Variants in MAN2A1 observed in about 807,000 individuals in gnomAD.
MAN2A1 encodes the protein mannosidase alpha class 2A member 1.
In MAN2A1, 76 loss-of-function variants were observed where a neutral mutation model predicts 142.6. The ratio of observed to expected loss-of-function variants is 0.53; its 90% CI spans 0.44 to 0.65. MAN2A1 has a LOEUF of 0.65. MAN2A1 is among the 30% of genes least tolerant of loss of function. MAN2A1 has a pLI of 0.00. For synonymous variants in MAN2A1, 559 were observed against 473.2 expected (o/e 1.18, Z -2.35); for missense variants, 1,311 against 1,365.1 (o/e 0.96, Z 0.62).
At chr5:109,781,333 A>G (rs981271683) in intron 8 of MAN2A1, 63 bp from the exon 9 acceptor site, 4 of 863,318 alleles carry the variant, frequency 4.6e-6, no homozygotes, top group African/African-American at 1.7e-5. Flanking sequence ...TTTCCCTAAC[A>G]GTGTAAGAAG....
chr5:109,827,492 A>T (rs1322361509), intron 16 of MAN2A1, among the ~76,000 whole-genome samples: 2 of 152,188 alleles, frequency 1.3e-5, no homozygotes, highest in Non-Finnish European at 2.9e-5. Flanking sequence ...ACATTTCCAA[A>T]ATTATATAAA....
chr5:109,755,799 A>G (rs1457503634), intron 5 of MAN2A1, among the ~76,000 whole-genome samples: 1 of 152,002 alleles, frequency 6.6e-6, no homozygotes, highest in Non-Finnish European at 1.5e-5. Context: ...GGAAAGAAAG[A>G]TATTCATTAT....
chr5:109,723,721 T>C (rs1389306349), intron 3 of MAN2A1, among the ~76,000 whole-genome samples: 1 of 152,196 alleles, frequency 6.6e-6, no homozygotes, highest in Non-Finnish European at 1.5e-5. Context: ...CTTCTATTTT[T>C]ATATTTATTT....
At chr5:109,690,834 T>C (rs892954685) in intron 1 of MAN2A1, among the ~76,000 whole-genome samples, 2 of 152,014 alleles carry the variant, frequency 1.3e-5, no homozygotes, top group African/African-American at 4.8e-5. Context: ...CCTGTTGGGG[T>C]GGCTTCGGGC....
At chr5:109,819,581 GTT>G in intron 13 of MAN2A1, 86 bp from the exon 14 acceptor site, 1 of 726,510 alleles carries the variant, frequency 1.4e-6, no homozygotes, top group African/African-American at 1.8e-5. Context: ...AAATATGATA[GTT>G]TGTTGGTTTT....
intron 1 of MAN2A1, among the ~76,000 whole-genome samples, chr5:109,694,790 A>T: frequency 6.6e-6 from 1 of 152,154 alleles, no homozygotes; most frequent in African/African-American, 2.4e-5. Context: ...TATAACTAGG[A>T]CTTTGATTCC....
At chr5:109,693,112 C>T (rs192510544) in intron 1 of MAN2A1, among the ~76,000 whole-genome samples, 126 of 152,168 alleles carry the variant, frequency 8.3e-4, no homozygotes, top group African/African-American at 2.6e-3. Flanking sequence ...TAGCTTATGA[C>T]TAAAGGAACT....
At chr5:109,862,350 G>A (rs1755778510) in intron 20 of MAN2A1, 1 of 152,180 alleles carries the variant, frequency 6.6e-6, no homozygotes, top group African/African-American at 2.4e-5. Context: ...TCTATGAGCT[G>A]AATGTTGGTT....
chr5:109,755,231 A>T (rs1448259028), intron 4 of MAN2A1, 98 bp from the exon 5 acceptor site: 4 of 919,148 alleles, frequency 4.4e-6, no homozygotes, highest in Non-Finnish European at 6.8e-6. Flanking sequence ...CATACTGGTT[A>T]TATTTAAAGG....
Position 109,867,003 on chromosome 5 carries a change from G to T in MAN2A1, c.*5G>T. 1 of 1,604,546 alleles carries T rather than the reference G, an allele frequency of 6.2e-7. No homozygotes were observed. The highest frequency in any genetic ancestry group is 1.1e-5 in the South Asian group (1 of 88,656). On this transcript the variant is annotated 3_prime_UTR_variant, in exon 22 of 22. Coordinates refer to ENST00000261483, the MANE Select transcript of MAN2A1 (RefSeq NM_002372.4). Reference sequence around the variant, plus strand: ...TTCCGAATCCAGTTGAGGTGAACCTGACTTTCACATTTGGATTGAGAATCA... The same window carrying T: ...TTCCGAATCCAGTTGAGGTGAACCTTACTTTCACATTTGGATTGAGAATCA...
chr5:109,853,949 T>A (rs1384182696), intron 19 of MAN2A1: 1 of 152,166 alleles, frequency 6.6e-6, no homozygotes, highest in Non-Finnish European at 1.5e-5. Flanking sequence ...TAGTCTGAAA[T>A]GTAATGACAT....
intron 4 of MAN2A1, among the ~76,000 whole-genome samples, chr5:109,737,794 A>G (rs1392154417): frequency 6.6e-6 from 1 of 152,194 alleles, no homozygotes. Context: ...AAATGCATAA[A>G]TATATATGTC....
chr5:109,849,867 G>A (rs1755440777), intron 19 of MAN2A1, among the ~76,000 whole-genome samples: 1 of 152,112 alleles, frequency 6.6e-6, no homozygotes, highest in Non-Finnish European at 1.5e-5. Context: ...ATTGGCATTG[G>A]CATGCCTTTT....
chr5:109,819,807 A>G lies in MAN2A1; in HGVS notation c.2248A>G (p.Asn750Asp). The stretch of plus-strand genomic sequence containing the variant: ...AGATAGCGGAATTTTCACCATAAAG[A>G]ATATGATAAATACTGAAGAAGGTAT... ...VEDSGIFTIK[N>D]MINTEEGITL... Residue 750 changes from asparagine (N) to aspartate (D), a missense_variant, in exon 14 of 22, where the codon AAT becomes GAT. Transcript: ENST00000261483. The G allele has an allele frequency of 6.2e-7, 1 of 1,610,920 alleles. No homozygotes were observed. Among genetic ancestry groups the G allele is most frequent in the Non-Finnish European group, 8.5e-7 (1 of 1,177,870 alleles).
At chr5:109,766,750 CTTTA>C (rs1390396342) in intron 5 of MAN2A1, among the ~76,000 whole-genome samples, 1 of 152,166 alleles carries the variant, frequency 6.6e-6, no homozygotes, top group Non-Finnish European at 1.5e-5. Flanking sequence ...TAAGTAGACA[CTTTA>C]TTTGAGAATC....
chr5:109,703,531 AT>A (rs1751046844), intron 1 of MAN2A1, among the ~76,000 whole-genome samples: 1 of 152,212 alleles, frequency 6.6e-6, no homozygotes, highest in African/African-American at 2.4e-5. Context: ...CTGTTGACAG[AT>A]TCTGTCAGAG....
intron 4 of MAN2A1, among the ~76,000 whole-genome samples, chr5:109,745,884 A>G (rs1205398140): frequency 6.6e-6 from 1 of 152,208 alleles, no homozygotes. Context: ...CCCAAAGCAC[A>G]GGGATTATAG....
intron 19 of MAN2A1, among the ~76,000 whole-genome samples, chr5:109,849,929 AT>A (rs1384060731): frequency 6.6e-6 from 1 of 151,806 alleles, no homozygotes; most frequent in East Asian, 1.9e-4. Context: ...AGTACTTTCC[AT>A]CCCCTCCTCC....
chr5:109,729,176 A>G lies in MAN2A1; in HGVS notation c.536-166A>G, dbSNP rs144480663. On this transcript the variant is annotated intron_variant, in intron 3 of 21. Transcript: ENST00000261483. ...TAATATTAGTGGGTTTCTGAGTCCC[A>G]TGACAACTAAAATGGAGTTTCATTA... Among the ~76,000 whole-genome samples the G allele has an allele frequency of 1.2e-4, 19 of 152,308 alleles. No individual in the cohort carries two copies. The East Asian group carries it at 3.5e-3, about 28-fold the overall frequency.
Sources: gnomAD v4.1 joint callset for allele counts (sites outside exome capture counted in the v4.1 genomes callset) on GRCh38, gnomAD v4.1.1 for gene constraint, MANE v1.5 for transcripts, NCBI Gene and HGNC (gene_info 2026-07-23, HGNC 2026-07-21) for gene names.